ATG7: variants seen among roughly 807,000 people sequenced by gnomAD.
The protein encoded by ATG7 is ubiquitin-like modifier-activating enzyme ATG7.
ATG7 carries 70 observed loss-of-function variants against 82.4 expected under a neutral mutation model. The ratio of observed to expected loss-of-function variants is 0.85; its 90% CI spans 0.70 to 1.04. The LOEUF (loss-of-function observed/expected upper bound fraction) is 1.04, where lower values mean the gene tolerates loss of function less well. Among genes scored for constraint, ATG7 ranks in the 50% least tolerant of loss-of-function variants. The pLI is 0.00. For missense variants in ATG7, 792 were observed against 864.3 expected, an observed-to-expected ratio of 0.92 and a Z score of 1.05; for synonymous variants, 287 against 313.0, an observed-to-expected ratio of 0.92 and a Z score of 0.88.
At chr3:11,339,461 G>A (rs1211120321) in intron 11 of ATG7, among the ~76,000 whole-genome samples, 1 of 151,814 alleles carries the variant, frequency 6.6e-6, no homozygotes, top group South Asian at 2.1e-4. Flanking sequence ...AGTGTAGGCT[G>A]TGGTGGGGTG....
intron 19 of ATG7, among the ~76,000 whole-genome samples, chr3:11,395,862 C>T (rs2079180753): frequency 7.0e-6 from 1 of 143,318 alleles, no homozygotes; most frequent in Non-Finnish European, 1.5e-5. Context: ...ATGGCGTGAA[C>T]CGAGGAGGCG....
At chr3:11,393,623 T>C (rs1275479907) in intron 19 of ATG7, among the ~76,000 whole-genome samples, 1 of 152,208 alleles carries the variant, frequency 6.6e-6, no homozygotes, top group Non-Finnish European at 1.5e-5. Context: ...GAGCCATTGA[T>C]GAATGGCTCA....
chr3:11,486,236 C>T (rs1391509525), intron 20 of ATG7, among the ~76,000 whole-genome samples: 1 of 152,178 alleles, frequency 6.6e-6, no homozygotes, highest in African/African-American at 2.4e-5. Context: ...GTTTGTATTT[C>T]TCCTTGAAGA....
At chr3:11,368,004 C>G (rs763429785) in intron 18 of ATG7, among the ~76,000 whole-genome samples, 1 of 151,816 alleles carries the variant, frequency 6.6e-6, no homozygotes, top group East Asian at 1.9e-4. Context: ...ACCTTCAATG[C>G]CCCCCTCATG....
intron 20 of ATG7, among the ~76,000 whole-genome samples, chr3:11,433,662 C>T (rs2083112959): frequency 6.6e-6 from 1 of 152,168 alleles, no homozygotes; most frequent in Admixed American, 6.5e-5. Context: ...TTGCACGTTC[C>T]ATGATTCCAG....
chr3:11,348,145 A>C (rs1575606844), intron 14 of ATG7, 110 bp downstream of exon 14: 82 of 1,405,416 alleles, frequency 5.8e-5, no homozygotes, highest in Non-Finnish European at 4.8e-6. Context: ...GTCACTTTCT[A>C]CCAGCCACTC....
chr3:11,537,184 C>T (rs142329439), intron 20 of ATG7, among the ~76,000 whole-genome samples: 9 of 152,298 alleles, frequency 5.9e-5, no homozygotes, highest in South Asian at 2.1e-4. Flanking sequence ...CACTCCTGGA[C>T]GGGCTGGCTC....
intron 20 of ATG7, among the ~76,000 whole-genome samples, chr3:11,495,571 A>G (rs2090762722): frequency 1.3e-5 from 2 of 152,184 alleles, no homozygotes; most frequent in African/African-American, 2.4e-5. Context: ...GCAGTTTCCT[A>G]ACGACTGGAA....
chr3:11,546,313 A>G (rs2071288751), intron 20 of ATG7, among the ~76,000 whole-genome samples: 1 of 151,960 alleles, frequency 6.6e-6, no homozygotes. Flanking sequence ...CTGGGATTAC[A>G]AGCACATGCC....
chr3:11,373,911 CTG>C (rs1452181698), intron 18 of ATG7, among the ~76,000 whole-genome samples: 1 of 152,088 alleles, frequency 6.6e-6, no homozygotes, highest in Non-Finnish European at 1.5e-5. Context: ...CCTATTTTCT[CTG>C]TATAGTCCAG....
At position 11,320,455 on chromosome 3, in the gene ATG7, T is replaced by A. The variant is rs371618258; in HGVS notation, c.678+4962T>A. Among the ~76,000 whole-genome samples the A allele has an allele frequency of 5.0e-4, 76 of 151,462 alleles. 1 individual carries two copies. Among genetic ancestry groups the A allele is most frequent in the African/African-American group, 1.5e-3 (61 of 40,852 alleles). On this transcript the variant is annotated intron_variant, in intron 9 of 20. Coordinates refer to ENST00000693202, the MANE Select transcript of ATG7 (RefSeq NM_001349232.2). ...GGCATACGCCACCACACCTGGCTAA[T>A]TTTTTTATCTTTAGTAGAGATGGGG...
rs2086768668 is a variant in ATG7, at chr3:11,465,747, A to G, written c.2079+38821A>G. ...ACCACTGCACACCAACCTGGGCGACAGCGAGACCCTGCTTCAAAAAAATAA... is the reference window on the plus strand; with the variant it reads ...ACCACTGCACACCAACCTGGGCGACGGCGAGACCCTGCTTCAAAAAAATAA... On this transcript the variant is annotated intron_variant, in intron 20 of 20. Transcript: ENST00000693202. Among the ~76,000 whole-genome samples, 4 of 152,232 alleles carry G rather than the reference A, an allele frequency of 2.6e-5. No homozygotes were observed. The South Asian group carries it at 8.3e-4, about 32-fold the overall frequency.
intron 14 of ATG7, among the ~76,000 whole-genome samples, chr3:11,351,240 C>T (rs1334699103): frequency 6.6e-6 from 1 of 152,156 alleles, no homozygotes; most frequent in Non-Finnish European, 1.5e-5. Flanking sequence ...TGGTCATTAA[C>T]AAATAATTTC....
intron 5 of ATG7, among the ~76,000 whole-genome samples, chr3:11,304,039 C>T (rs1947301815): frequency 6.6e-6 from 1 of 152,044 alleles, no homozygotes; most frequent in Non-Finnish European, 1.5e-5. Context: ...TGCAGTGAGC[C>T]GAGATCGCAC....
chr3:11,491,134 C>T (rs1297764351), intron 20 of ATG7, among the ~76,000 whole-genome samples: 1 of 152,186 alleles, frequency 6.6e-6, no homozygotes, highest in Non-Finnish European at 1.5e-5. Context: ...TTGGTCTTTT[C>T]ACATAGTCCC....
In ATG7 at chr3:11,333,053, C is replaced by T. The variant is rs372271982; in HGVS notation, c.849C>T (p.Ile283=). 14 of 1,568,268 alleles carry T rather than the reference C, an allele frequency of 8.9e-6. No individual in the cohort carries two copies. The highest frequency in any genetic ancestry group is 1.4e-5 in the African/African-American group (1 of 72,552). ...MQGARDVAHS[I]IFEVKLPEMA... ...GGGCGAGAGACGTTGCCCACAGCAT[C>T]ATCTTCGAAGTGAAGCTTCCAGAAA... The change falls in exon 11 of 21, where the codon ATC becomes ATT. Residue 283 remains isoleucine (I), a synonymous_variant. Coordinates refer to ENST00000693202, the MANE Select transcript of ATG7 (RefSeq NM_001349232.2).
chr3:11,503,358 C>A (rs1324734736), intron 20 of ATG7, among the ~76,000 whole-genome samples: 1 of 152,142 alleles, frequency 6.6e-6, no homozygotes, highest in Non-Finnish European at 1.5e-5. Flanking sequence ...CCAAAAAATT[C>A]TACTATCATT....
chr3:11,396,962 T>A (rs1043703719), intron 19 of ATG7, among the ~76,000 whole-genome samples: 11 of 151,818 alleles, frequency 7.2e-5, no homozygotes, highest in Admixed American at 6.6e-4. Flanking sequence ...AGTAAACAAA[T>A]AGAAAAATTG....
chr3:11,309,181 A>T, intron 7 of ATG7, 120 bp downstream of exon 7: 3 of 996,698 alleles, frequency 3.0e-6, no homozygotes, highest in Non-Finnish European at 3.2e-6. Context: ...CTTAAATAAT[A>T]GCTGTTAACG....
Sources: allele counts gnomAD v4.1 joint callset (sites outside exome capture counted in the v4.1 genomes callset), GRCh38; gene constraint gnomAD v4.1.1; transcripts MANE v1.5; gene names NCBI Gene and HGNC (gene_info 2026-07-23, HGNC 2026-07-21).